Variants in ZFHX3 observed in about 807,000 individuals in gnomAD.
ZFHX3 encodes the protein zinc finger homeobox protein 3.
A neutral mutation model predicts 279.1 loss-of-function variants in ZFHX3; 42 were observed. The observed-to-expected ratio is 0.15, with a 90% CI of 0.12 to 0.19. The LOEUF is 0.19. Among genes scored for constraint, ZFHX3 ranks in the 10% least tolerant of loss-of-function variants. The pLI is 1.00. For missense variants in ZFHX3, 4,981 were observed against 4,754.0 expected (o/e 1.05, Z -1.40); for synonymous variants, 2,293 against 1,957.8 (o/e 1.17, Z -4.52).
chr16:73,763,330 A>G lies in ZFHX3; in HGVS notation c.-1607-83090T>C, dbSNP rs138901335. The stretch of plus-strand genomic sequence containing the variant: ...CAATTTTGAAAAACAGAATGTAACT[A>G]ATGGGCTTGAGTGAGGTGTGTAATT... On this transcript the variant is annotated intron_variant, in intron 1 of 17. Transcript: ENST00000641206. 1.1e-3 allele frequency among the ~76,000 whole-genome samples: 173 copies of G among 152,310 alleles called. 1 individual carries two copies. The highest frequency in any genetic ancestry group is 7.3e-5 in the Non-Finnish European group (5 of 68,032).
At chr16:72,903,209 C>A (rs928892982) in intron 3 of ZFHX3, among the ~76,000 whole-genome samples, 1 of 152,180 alleles carries the variant, frequency 6.6e-6, no homozygotes, top group Non-Finnish European at 1.5e-5. Flanking sequence ...AAGGGCAGGT[C>A]CCGCCAAGAA....
At chr16:73,251,274 A>C (rs2013478690) in intron 5 of ZFHX3, among the ~76,000 whole-genome samples, 1 of 152,186 alleles carries the variant, frequency 6.6e-6, no homozygotes, top group South Asian at 2.1e-4. Flanking sequence ...ACAGTCCCCA[A>C]GTTAGTCTCT....
chr16:73,595,307 A>G (rs1267554466), intron 2 of ZFHX3, among the ~76,000 whole-genome samples: 1 of 152,094 alleles, frequency 6.6e-6, no homozygotes, highest in Non-Finnish European at 1.5e-5. Flanking sequence ...GATGGCCTCA[A>G]ATGTCCTCTA....
rs28504355 is a variant in ZFHX3, at chr16:73,844,821, G to T, written c.-1608+46830C>A. Among the ~76,000 whole-genome samples the T allele has an allele frequency of 1.7e-3, 258 of 151,288 alleles. 3 individuals are homozygous for T. Among genetic ancestry groups the T allele is most frequent in the African/African-American group, 5.9e-3 (243 of 40,842 alleles). ...TGATGGGTAGATCAATGGGTAGACA[G>T]ATGGTAGACGGATGGATGGGATTGA... On this transcript the variant is annotated intron_variant, in intron 1 of 17. Coordinates refer to the ZFHX3 transcript ENST00000641206.
intron 4 of ZFHX3, among the ~76,000 whole-genome samples, chr16:72,868,438 T>C (rs2038076971): frequency 6.6e-6 from 1 of 152,208 alleles, no homozygotes; most frequent in Non-Finnish European, 1.5e-5. Flanking sequence ...CTAGACCCTC[T>C]GGCATCCTGC....
In ZFHX3 at chr16:72,787,294, G is replaced by C. The variant is rs200911275; in HGVS notation, c.10982C>G (p.Ser3661Trp). ...VQPSMPTDDY[S>W]EESDTDLSQK... ...GCTGAGATCCGTGTCAGACTCCTCC[G>C]AATAGTCGTCTGTTGGCATCGAGGG... Residue 3661 changes from serine to tryptophan, a missense_variant, in exon 10 of 10, where the codon TCG becomes TGG. Physicochemically the swap from Ser to Trp is radical, Grantham distance 177 (BLOSUM62 -3). Transcript: ENST00000268489. 4.3e-6 allele frequency: 7 copies of C among 1,614,030 alleles called. No homozygotes were observed. In the South Asian group the frequency reaches 7.7e-5, roughly 18 times the overall value.
intron 2 of ZFHX3, among the ~76,000 whole-genome samples, chr16:73,582,062 A>G (rs2051867788): frequency 6.6e-6 from 1 of 151,740 alleles, no homozygotes; most frequent in Non-Finnish European, 1.5e-5. Flanking sequence ...TAACTACATT[A>G]CTGTTTTTCA....
chr16:73,826,315 G>T (rs1318954705), intron 1 of ZFHX3, among the ~76,000 whole-genome samples: 1 of 26,272 alleles, frequency 3.8e-5, no homozygotes, highest in Non-Finnish European at 5.9e-5. Flanking sequence ...GAGACAATGG[G>T]GTTTTCTAGA....
At chr16:72,974,568 A>AACACACACAC (rs59350988) in intron 1 of ZFHX3, among the ~76,000 whole-genome samples, 160 of 148,364 alleles carry the variant, frequency 1.1e-3, no homozygotes, top group African/African-American at 3.8e-3. Context: ...CTGATAGGGC[A>AACACACACAC]ACACACACAC....
chr16:73,030,809 A>T (rs1449074576), intron 1 of ZFHX3, among the ~76,000 whole-genome samples: 9 of 152,296 alleles, frequency 5.9e-5, no homozygotes. Flanking sequence ...CGCCCCTCTC[A>T]GCCTTCTCAG....
intron 6 of ZFHX3, chr16:73,137,128 T>C (rs1290735247): frequency 2.6e-5 from 4 of 152,174 alleles, no homozygotes; most frequent in Non-Finnish European, 4.4e-5. Flanking sequence ...ATTCTACATT[T>C]TAAAATATCA....
chr16:72,982,080 A>G (rs1962628920), intron 1 of ZFHX3, among the ~76,000 whole-genome samples: 2 of 151,854 alleles, frequency 1.3e-5, no homozygotes, highest in South Asian at 4.2e-4. Context: ...ACAGGGTTTC[A>G]CCATGTTGGC....
intron 3 of ZFHX3, among the ~76,000 whole-genome samples, chr16:73,416,676 A>G (rs1373641884): frequency 2.0e-5 from 3 of 152,088 alleles, no homozygotes; most frequent in African/African-American, 7.2e-5. Flanking sequence ...GATCGAGACC[A>G]TCCTGGCTAA....
intron 2 of ZFHX3, among the ~76,000 whole-genome samples, chr16:73,562,100 G>A (rs1244270112): frequency 1.3e-5 from 2 of 152,140 alleles, no homozygotes; most frequent in Non-Finnish European, 2.9e-5. Context: ...TTCAAAGACA[G>A]TCTAGTCAAT....
At chr16:73,543,105 A>G (rs1489007998) in intron 2 of ZFHX3, among the ~76,000 whole-genome samples, 1 of 152,188 alleles carries the variant, frequency 6.6e-6, no homozygotes, top group East Asian at 1.9e-4. Flanking sequence ...TCGGGCAGGT[A>G]TGTTTTTCAA....
chr16:73,105,089 C>T (rs1049372705), intron 7 of ZFHX3, among the ~76,000 whole-genome samples: 1 of 151,978 alleles, frequency 6.6e-6, no homozygotes, highest in African/African-American at 2.4e-5. Flanking sequence ...TGTCCTTGGC[C>T]ACTGCTTTCT....
At chr16:72,962,806 T>C (rs1434082222) in intron 1 of ZFHX3, among the ~76,000 whole-genome samples, 1 of 152,038 alleles carries the variant, frequency 6.6e-6, no homozygotes, top group East Asian at 1.9e-4. Context: ...GGTACCTGTA[T>C]TGCTAGGTAA....
intron 5 of ZFHX3, among the ~76,000 whole-genome samples, chr16:72,817,580 G>A (rs2036649678): frequency 6.6e-6 from 1 of 152,158 alleles, no homozygotes; most frequent in Non-Finnish European, 1.5e-5. Flanking sequence ...AAACACACCA[G>A]TGCGCTGTTG....
chr16:73,599,040 T>C (rs2143857390), intron 2 of ZFHX3, among the ~76,000 whole-genome samples: 1 of 152,236 alleles, frequency 6.6e-6, no homozygotes, highest in East Asian at 1.9e-4. Context: ...GGATTACAGG[T>C]GTGAGCCACC....
Sources: allele counts gnomAD v4.1 joint callset (sites outside exome capture counted in the v4.1 genomes callset), GRCh38; gene constraint gnomAD v4.1.1; transcripts MANE v1.5; gene names NCBI Gene and HGNC (gene_info 2026-07-23, HGNC 2026-07-21).